The following NTNG2 variants were observed in gnomAD, a reference collection of about 807,000 sequenced individuals.
NTNG2 encodes netrin G2.
NTNG2 carries 15 observed loss-of-function variants against 47.6 expected under a neutral mutation model. That is an observed-to-expected ratio of 0.32 (90% CI 0.21 to 0.49). The LOEUF (loss-of-function observed/expected upper bound fraction) is 0.49. NTNG2 is among the 20% of genes least tolerant of loss of function. NTNG2 has a pLI of 0.99. For missense variants in NTNG2, 578 were observed against 764.6 expected, an observed-to-expected ratio of 0.76 and a Z score of 2.88; for synonymous variants, 307 against 324.6, an observed-to-expected ratio of 0.95 and a Z score of 0.58.
chr9:132,220,131 T>C (rs1840255403), intron 3 of NTNG2, among the ~76,000 whole-genome samples: 1 of 152,258 alleles, frequency 6.6e-6, no homozygotes, highest in South Asian at 2.1e-4. Flanking sequence ...GCCATTTGTA[T>C]GCCTTCTTCG....
intron 3 of NTNG2, among the ~76,000 whole-genome samples, chr9:132,217,655 G>A (rs1171187613): frequency 6.6e-6 from 1 of 152,204 alleles, no homozygotes; most frequent in Non-Finnish European, 1.5e-5. Context: ...AAACTGGCAT[G>A]TCCTAGGCAC....
chr9:132,189,833 G>A (rs2130637958), intron 2 of NTNG2, among the ~76,000 whole-genome samples: 1 of 151,344 alleles, frequency 6.6e-6, no homozygotes, highest in South Asian at 2.1e-4. Context: ...ATTTTTAGTA[G>A]AGACAGGGTT....
intron 2 of NTNG2, among the ~76,000 whole-genome samples, chr9:132,171,038 G>A (rs947991172): frequency 6.6e-6 from 1 of 152,152 alleles, no homozygotes; most frequent in African/African-American, 2.4e-5. Context: ...GCACTAGGGG[G>A]TCCTGGGAAT....
chr9:132,240,761 C>G (rs569730244), intron 6 of NTNG2, 149 bp from the exon 7 acceptor site: 4 of 1,204,172 alleles, frequency 3.3e-6, no homozygotes, highest in Non-Finnish European at 4.6e-6. Context: ...CCCCACCTGC[C>G]GTCCAGCCGC....
At chr9:132,211,397 G>A (rs539019813) in intron 3 of NTNG2, among the ~76,000 whole-genome samples, 2 of 152,230 alleles carry the variant, frequency 1.3e-5, no homozygotes, top group Admixed American at 1.3e-4. Flanking sequence ...CCTTTCTGTA[G>A]TTTTTTGTCC....
At chr9:132,164,998 G>A (rs1835406445) in intron 1 of NTNG2, among the ~76,000 whole-genome samples, 1 of 152,268 alleles carries the variant, frequency 6.6e-6, no homozygotes, top group Admixed American at 6.5e-5. Context: ...CTCTTCAGGG[G>A]CCTTGCAAGT....
At chr9:132,237,744 A>C (rs1841730658) in intron 5 of NTNG2, among the ~76,000 whole-genome samples, 1 of 152,210 alleles carries the variant, frequency 6.6e-6, no homozygotes, top group Non-Finnish European at 1.5e-5. Flanking sequence ...CACAGTGGGC[A>C]GGCCACACAG....
chr9:132,209,785 G>T (rs1455861815), intron 3 of NTNG2, among the ~76,000 whole-genome samples: 1 of 152,098 alleles, frequency 6.6e-6, no homozygotes, highest in Non-Finnish European at 1.5e-5. Context: ...GCTCGGAAGG[G>T]GAGCAGAGAG....
chr9:132,226,900 G>A lies in NTNG2; in HGVS notation c.909G>A (p.Leu303=). 6.2e-7 allele frequency: 1 copy of A among 1,612,514 alleles called. No individual in the cohort carries two copies. Among genetic ancestry groups the A allele is most frequent in the Non-Finnish European group, 8.5e-7 (1 of 1,179,556 alleles). Residue 303 remains leucine, a synonymous_variant, in exon 4 of 8, where the codon CTG becomes CTA. Coordinates refer to ENST00000393229, the MANE Select transcript of NTNG2 (RefSeq NM_032536.4). The surrounding 1 kb of genome is among the most constrained non-coding windows in gnomAD (Gnocchi z 4.8). ...TGTGCTCCATGCGCGAGGGCAGCCT[G>A]CAGTGCGAGTGCGAGCACAACACCA... The part of the protein sequence containing the change: ...ANLCSMREGS[L]QCECEHNTTG...
chr9:132,198,014 C>A lies in NTNG2; in HGVS notation c.262C>A (p.Leu88Met), dbSNP rs1838445735. ...CGAGTGTGACGCCTCCAACCCGGACCTGGCCCACCCGCCCAGGCTCATGTT... is the reference window on the plus strand; with the variant it reads ...CGAGTGTGACGCCTCCAACCCGGACATGGCCCACCCGCCCAGGCTCATGTT... The part of the protein sequence containing the change: ...SNECDASNPD[L>M]AHPPRLMFDK... Residue 88 changes from leucine (L) to methionine (M), a missense_variant, in exon 3 of 8, where the codon CTG (leucine) becomes ATG (methionine). Physicochemically the swap from Leu to Met is conservative, Grantham distance 15. Transcript: ENST00000393229. 1 of 1,613,516 alleles carries A rather than the reference C, an allele frequency of 6.2e-7. No individual in the cohort carries two copies. The highest frequency in any genetic ancestry group is 1.1e-5 in the South Asian group (1 of 91,080).
chr9:132,162,761 G>C lies in NTNG2; in HGVS notation c.-484+522G>C, dbSNP rs989473914. Among the ~76,000 whole-genome samples the C allele has an allele frequency of 6.6e-6, 1 of 151,968 alleles. No individual in the cohort carries two copies. Among genetic ancestry groups the C allele is most frequent in the Non-Finnish European group, 1.5e-5 (1 of 67,986 alleles). On this transcript the variant is annotated intron_variant, in intron 1 of 7. Coordinates refer to ENST00000393229, the MANE Select transcript of NTNG2 (RefSeq NM_032536.4). The surrounding 1 kb of genome is among the most constrained non-coding windows in gnomAD (Gnocchi z 4.6). ...GCCCTCCCATCTCTCTGCAAACTGG[G>C]AGCCTGTGAGTTGCACAGAGAAACT...
chr9:132,207,397 G>T (rs943058440), intron 3 of NTNG2, among the ~76,000 whole-genome samples: 6 of 152,168 alleles, frequency 3.9e-5, no homozygotes, highest in Admixed American at 1.3e-4. Context: ...GCAGCCTCTG[G>T]CGTTCCTGGG....
chr9:132,216,916 T>A (rs973172550), intron 3 of NTNG2, among the ~76,000 whole-genome samples: 2 of 152,186 alleles, frequency 1.3e-5, no homozygotes, highest in African/African-American at 4.8e-5. Flanking sequence ...GGCCACAGAA[T>A]TGGTAAGCAG....
At chr9:132,230,798 A>G (rs1463666948) in intron 5 of NTNG2, among the ~76,000 whole-genome samples, 4 of 110,708 alleles carry the variant, frequency 3.6e-5, no homozygotes, top group African/African-American at 1.4e-4. Context: ...CCCACTTCAC[A>G]TCATATGCCA....
intron 3 of NTNG2, among the ~76,000 whole-genome samples, chr9:132,214,410 A>G (rs1839824869): frequency 6.6e-6 from 1 of 152,174 alleles, no homozygotes; most frequent in East Asian, 1.9e-4. Context: ...GTCATCCTTC[A>G]TGTGGCTGTC....
At chr9:132,189,068 C>CTTT (rs749756559) in intron 2 of NTNG2, among the ~76,000 whole-genome samples, 2,095 of 93,206 alleles carry the variant, frequency 0.022, 456 homozygotes, top group African/African-American at 0.087. Flanking sequence ...TTAAGCCTTT[C>CTTT]TTTTTTTTTT....
rs1167543705 is a variant in NTNG2, at chr9:132,226,257, C to T, written c.858-592C>T. On this transcript the variant is annotated intron_variant, in intron 3 of 7. Coordinates refer to ENST00000393229, the MANE Select transcript of NTNG2 (RefSeq NM_032536.4). The surrounding 1 kb of genome is among the most constrained non-coding windows in gnomAD (Gnocchi z 4.8). ...TTTACCAGTTTTCAGAATAATGAGT[C>T]GCCTATAAATATTTGAATGAATGGA... is the stretch of plus-strand genomic sequence containing the variant. 2.6e-5 allele frequency among the ~76,000 whole-genome samples: 4 copies of T among 152,198 alleles called. No individual in the cohort carries two copies. The highest frequency in any genetic ancestry group is 4.1e-4 in the South Asian group (2 of 4,820).
In NTNG2 at chr9:132,242,115, C is replaced by G; in HGVS notation, c.*4C>G. 1 of 1,127,398 alleles carries G rather than the reference C, an allele frequency of 8.9e-7. No homozygotes were observed. Among genetic ancestry groups the G allele is most frequent in the Non-Finnish European group, 1.1e-6 (1 of 922,012 alleles). 69.8% of individuals were successfully genotyped at this position (1,127,398 alleles called of 1,614,324 possible). The stretch of plus-strand genomic sequence containing the variant: ...GGCCGCCCGCCTGGGCCGCTGAGCC[C>G]CGCCCGGAGGACGCTCCCCGCACCC... On this transcript the variant is annotated 3_prime_UTR_variant, in exon 8 of 8. Coordinates refer to ENST00000393229, the MANE Select transcript of NTNG2 (RefSeq NM_032536.4). This position sits in a 1 kb window ranked among gnomAD's most constrained non-coding sequence, Gnocchi z 5.9.
chr9:132,234,341 T>G (rs1372235107), intron 5 of NTNG2, among the ~76,000 whole-genome samples: 2 of 152,200 alleles, frequency 1.3e-5, no homozygotes, highest in African/African-American at 4.8e-5. Context: ...TAGTGCTGTC[T>G]CCAAGGCCTG....
Sources: allele counts gnomAD v4.1 joint callset (sites outside exome capture counted in the v4.1 genomes callset), GRCh38; gene constraint gnomAD v4.1.1; non-coding constraint Gnocchi (gnomAD v3.1); transcripts MANE v1.5; gene names NCBI Gene and HGNC (gene_info 2026-07-23, HGNC 2026-07-21).